Variants in CAPRIN1 observed in about 807,000 individuals in gnomAD.
CAPRIN1 encodes the protein caprin-1.
In CAPRIN1, 29 loss-of-function variants were observed where a neutral mutation model predicts 100.9. The observed-to-expected ratio is 0.29, with a 90% CI of 0.21 to 0.39. The LOEUF (loss-of-function observed/expected upper bound fraction) is 0.39, where lower values mean the gene tolerates loss of function less well. CAPRIN1 is among the 10% of genes least tolerant of loss of function. The pLI is 1.00. For synonymous variants in CAPRIN1, 338 were observed against 307.5 expected (o/e 1.10, Z -1.04); for missense variants, 795 against 876.7 (o/e 0.91, Z 1.18).
At chr11:34,052,691 C>G in intron 2 of CAPRIN1, 55 bp downstream of exon 2, 1 of 1,529,126 alleles carries the variant, frequency 6.5e-7, no homozygotes, top group Non-Finnish European at 8.9e-7. Context: ...TCTGCGGCCC[C>G]TCCGACCCTG....
rs1020820980 is a variant in CAPRIN1 at position 34,098,175 on chromosome 11, G to A, written c.2065+414G>A. On this transcript the variant is annotated intron_variant, in intron 18 of 18. Transcript: ENST00000341394. The stretch of plus-strand genomic sequence containing the variant: ...TTGAAACATGCCTATTATATTTTAG[G>A]GCCAGACACCCTTTAATGGCCGGAT... 1.2e-5 allele frequency: 12 copies of A among 998,096 alleles called. No individual in the cohort carries two copies. The East Asian group carries it at 8.3e-4, about 69-fold the overall frequency. The allele number at this position is 998,096 out of a possible 1,614,324, so 61.8% of individuals were successfully genotyped here.
intron 2 of CAPRIN1, among the ~76,000 whole-genome samples, chr11:34,060,666 A>G (rs1850559205): frequency 1.3e-5 from 2 of 152,266 alleles, no homozygotes; most frequent in Non-Finnish European, 2.9e-5. Context: ...GGACGACGGT[A>G]GAAAGAACAC....
At chr11:34,070,125 C>T (rs899340583) in intron 2 of CAPRIN1, among the ~76,000 whole-genome samples, 2 of 151,544 alleles carry the variant, frequency 1.3e-5, no homozygotes, top group African/African-American at 2.4e-5. Flanking sequence ...TCCTCTTGAC[C>T]TTTACAATAA....
At chr11:34,056,902 A>G (rs886249647) in intron 2 of CAPRIN1, among the ~76,000 whole-genome samples, 1 of 152,244 alleles carries the variant, frequency 6.6e-6, no homozygotes, top group Non-Finnish European at 1.5e-5. Context: ...ACTGATAGCC[A>G]GAAGTGTAGT....
intron 2 of CAPRIN1, among the ~76,000 whole-genome samples, chr11:34,060,428 C>T (rs1016877894): frequency 6.6e-6 from 1 of 152,190 alleles, no homozygotes; most frequent in African/African-American, 2.4e-5. Flanking sequence ...CAACCTTGAA[C>T]TCTTAGCCTT....
chr11:34,076,973 G>A, intron 6 of CAPRIN1, among the ~76,000 whole-genome samples: 1 of 152,150 alleles, frequency 6.6e-6, no homozygotes, highest in Non-Finnish European at 1.5e-5. Flanking sequence ...TACCACAAAT[G>A]ATTCACCTGC....
At chr11:34,060,443 G>C (rs995779399) in intron 2 of CAPRIN1, among the ~76,000 whole-genome samples, 2 of 152,070 alleles carry the variant, frequency 1.3e-5, no homozygotes, top group East Asian at 3.9e-4. Context: ...AGCCTTAAGC[G>C]ATCCTCTTGT....
chr11:34,086,123 C>G lies in CAPRIN1; in HGVS notation c.1026C>G (p.His342Gln), dbSNP rs1417981657. Residue 342 changes from histidine (H) to glutamine (Q), a missense_variant, in exon 10 of 19, where the codon CAC becomes CAG. Physicochemically the swap from His to Gln is conservative, Grantham distance 24 (BLOSUM62 0). Around this residue, in one of 3 missense-constraint regions of CAPRIN1, gnomAD observed 648 missense variants for 697.9 expected, o/e 0.93. Transcript: ENST00000341394. The stretch of plus-strand genomic sequence containing the variant: ...CATCCCCTTCAGTACCAGAGCCCCA[C>G]TCTTTGACTCCAGTGGCTCAGGCAG... ...QAASPSVPEPHSLTPVAQADP... is the reference protein window; with the variant it reads ...QAASPSVPEPQSLTPVAQADP... The G allele has an allele frequency of 6.2e-7, 1 of 1,614,018 alleles. No homozygotes were observed. The highest frequency in any genetic ancestry group is 8.5e-7 in the Non-Finnish European group (1 of 1,179,996).
chr11:34,081,756 C>T (rs534793133), intron 7 of CAPRIN1, among the ~76,000 whole-genome samples: 5 of 152,270 alleles, frequency 3.3e-5, no homozygotes, highest in Admixed American at 3.3e-4. Flanking sequence ...CATTGGCCTC[C>T]CAAAGTCCTG....
chr11:34,055,797 CAAG>C (rs1850437571), intron 2 of CAPRIN1: 1 of 152,130 alleles, frequency 6.6e-6, no homozygotes, highest in Non-Finnish European at 1.5e-5. Context: ...GCAAAAAGGT[CAAG>C]TTACAGTTAA....
intron 2 of CAPRIN1, among the ~76,000 whole-genome samples, chr11:34,062,654 A>G (rs759964467): frequency 3.4e-4 from 51 of 151,984 alleles, no homozygotes; most frequent in Non-Finnish European, 5.9e-4. Context: ...GAAAACTGCT[A>G]AAGATTATGG....
chr11:34,073,990 A>AGAGAGT (rs1850855476), intron 4 of CAPRIN1, among the ~76,000 whole-genome samples: 1 of 152,126 alleles, frequency 6.6e-6, no homozygotes, highest in South Asian at 2.1e-4. Flanking sequence ...TAAGGGCAAG[A>AGAGAGT]GAGAGTGATC....
At chr11:34,053,511 A>G (rs1850379995) in intron 2 of CAPRIN1, 1 of 151,946 alleles carries the variant, frequency 6.6e-6, no homozygotes, top group South Asian at 2.1e-4. Context: ...GCTTTACTGG[A>G]GCTGCATTGT....
chr11:34,096,846 TTAAA>T (rs1851376888), intron 16 of CAPRIN1, among the ~76,000 whole-genome samples, 173 bp downstream of exon 16: 1 of 152,218 alleles, frequency 6.6e-6, no homozygotes. Flanking sequence ...AATTTGTTAT[TTAAA>T]TAACAGATCA....
intron 2 of CAPRIN1, among the ~76,000 whole-genome samples, chr11:34,054,911 TAG>T (rs1388002264): frequency 6.6e-6 from 1 of 152,180 alleles, no homozygotes; most frequent in Admixed American, 6.5e-5. Flanking sequence ...ATATAAAGTG[TAG>T]AGACATTAAT....
At chr11:34,075,936 T>G (rs544443395) in intron 4 of CAPRIN1, among the ~76,000 whole-genome samples, 1 of 152,350 alleles carries the variant, frequency 6.6e-6, no homozygotes, top group South Asian at 2.1e-4. Flanking sequence ...AAATCCACAT[T>G]CATTTCCTTG....
chr11:34,091,287 CTTAT>C (rs1210017457), intron 14 of CAPRIN1, among the ~76,000 whole-genome samples: 6 of 152,148 alleles, frequency 3.9e-5, no homozygotes, highest in Admixed American at 3.9e-4. Flanking sequence ...AGGAGTTTGT[CTTAT>C]TTATTTATTT....
In CAPRIN1 at chr11:34,096,580, C is replaced by T. The variant is rs1315880441; in HGVS notation, c.1807C>T (p.Pro603Ser). 1 of 1,613,886 alleles carries T rather than the reference C, an allele frequency of 6.2e-7. No homozygotes were observed. The highest frequency in any genetic ancestry group is 8.5e-7 in the Non-Finnish European group (1 of 1,179,946). ...QNTGFPRSNQ[P>S]YYNSRGVSRG... Reference sequence around the variant, plus strand: ...CACTGGATTTCCACGTAGCAATCAGCCCTATTACAATAGTCGTGGTGTGTC... The same window carrying T: ...CACTGGATTTCCACGTAGCAATCAGTCCTATTACAATAGTCGTGGTGTGTC... The change falls in exon 16 of 19, where the codon CCC (proline) becomes TCC (serine). Residue 603 changes from proline to serine, a missense_variant. Around this residue, in one of 3 missense-constraint regions of CAPRIN1, gnomAD observed 648 missense variants for 697.9 expected, o/e 0.93. Coordinates refer to ENST00000341394, the MANE Select transcript of CAPRIN1 (RefSeq NM_005898.5).
Position 34,089,409 on chromosome 11 carries a change from A to G in CAPRIN1, c.1246A>G (p.Arg416Gly). 1.9e-6 allele frequency: 3 copies of G among 1,607,560 alleles called. No individual in the cohort carries two copies. The highest frequency in any genetic ancestry group is 2.6e-6 in the Non-Finnish European group (3 of 1,175,898). ...LVCPPVHSES[R>G]LAQPNQVPVQ... is the part of the protein sequence containing the mutation. ...CACCTTTGCAGTTCATTCTGAATCT[A>G]GACTTGCTCAGCCTAATCAAGTTCC... Residue 416 changes from arginine (R) to glycine (G), a missense_variant, in exon 12 of 19, where the codon AGA becomes GGA. Transcript: ENST00000341394.
Sources: gnomAD v4.1 joint callset for allele counts (sites outside exome capture counted in the v4.1 genomes callset) on GRCh38, gnomAD v4.1.1 for gene constraint, gnomAD v4.1.1 regional missense constraint, MANE v1.5 for transcripts, NCBI Gene and HGNC (gene_info 2026-07-23, HGNC 2026-07-21) for gene names.